Variants in TEAD1 observed in about 807,000 individuals in gnomAD.
The protein encoded by TEAD1 is transcriptional enhancer factor TEF-1.
Under a neutral mutation model 54.9 loss-of-function variants are expected in TEAD1, and 9 were observed. The observed-to-expected ratio is 0.16, with a 90% CI of 0.10 to 0.29. The LOEUF (loss-of-function observed/expected upper bound fraction) is 0.29. Among genes scored for constraint, TEAD1 ranks in the 10% least tolerant of loss-of-function variants. The pLI is 1.00. For missense variants in TEAD1, 387 were observed against 535.9 expected (o/e 0.72, Z 2.74); for synonymous variants, 200 against 187.8 (o/e 1.07, Z -0.53).
In TEAD1 at chr11:12,943,224, ACTCAACCTAACTTATAG is replaced by A. The variant is rs1266164089; in HGVS notation, c.*6003_*6019del. On this transcript the variant is annotated 3_prime_UTR_variant, in exon 13 of 13. Transcript: ENST00000527636. ...AAACTATCAAATGAAAAGAAAATGT[ACTCAACCTAACTTATAG>A]TTAGCAGCTGGAATTCTCAACTCTT... 2 of 152,450 alleles carry A rather than the reference ACTCAACCTAACTTATAG, an allele frequency of 1.3e-5. No homozygotes were observed. Among genetic ancestry groups the A allele is most frequent in the Middle Eastern group, 3.2e-3 (1 of 316 alleles). 9.4% of individuals were successfully genotyped at this position (152,450 alleles called of 1,614,324 possible).
chr11:12,876,382 G>A (rs1947855123), intron 5 of TEAD1, among the ~76,000 whole-genome samples: 1 of 152,102 alleles, frequency 6.6e-6, no homozygotes, highest in Non-Finnish European at 1.5e-5. Flanking sequence ...ATTTGGACCT[G>A]GACTTAGAAT....
At chr11:12,758,439 A>G (rs1476980590) in intron 2 of TEAD1, among the ~76,000 whole-genome samples, 1 of 107,754 alleles carries the variant, frequency 9.3e-6, no homozygotes, top group Non-Finnish European at 1.8e-5. Context: ...GAGGTGGAGT[A>G]TCACTCTGTC....
intron 2 of TEAD1, among the ~76,000 whole-genome samples, chr11:12,697,852 G>A (rs183677300): frequency 0.01 from 1,564 of 152,130 alleles, 30 homozygotes; most frequent in African/African-American, 0.037. Flanking sequence ...ATGAAACTCC[G>A]TCTCTACTAA....
At chr11:12,723,287 A>C (rs917162452) in intron 2 of TEAD1, among the ~76,000 whole-genome samples, 1 of 152,188 alleles carries the variant, frequency 6.6e-6, no homozygotes, top group African/African-American at 2.4e-5. Context: ...GATTATGACA[A>C]GGTTGAGTAT....
At chr11:12,869,694 A>G (rs1947698870) in intron 5 of TEAD1, among the ~76,000 whole-genome samples, 1 of 152,098 alleles carries the variant, frequency 6.6e-6, no homozygotes, top group South Asian at 2.1e-4. Flanking sequence ...TTAATGAAAA[A>G]TCAAGTGGCA....
chr11:12,756,749 T>G (rs568545911), intron 2 of TEAD1, among the ~76,000 whole-genome samples: 1 of 152,336 alleles, frequency 6.6e-6, no homozygotes, highest in African/African-American at 2.4e-5. Context: ...ATTGAATCTC[T>G]GTTAAGTATA....
intron 2 of TEAD1, among the ~76,000 whole-genome samples, chr11:12,708,712 A>G (rs1278428968): frequency 1.3e-5 from 2 of 152,220 alleles, no homozygotes; most frequent in Non-Finnish European, 2.9e-5. Context: ...TTTATTAAAA[A>G]AGGAAAAGTT....
At chr11:12,799,314 G>A (rs943524552) in intron 3 of TEAD1, among the ~76,000 whole-genome samples, 4 of 152,196 alleles carry the variant, frequency 2.6e-5, no homozygotes, top group East Asian at 1.9e-4. Flanking sequence ...CACTGAAGGC[G>A]CTTGTTAATA....
At chr11:12,776,801 C>CATT (rs1321995260) in intron 3 of TEAD1, among the ~76,000 whole-genome samples, 75 of 78,082 alleles carry the variant, frequency 9.6e-4, no homozygotes, top group Non-Finnish European at 1.4e-3. Context: ...TTATTATTAT[C>CATT]ATTATTATTA....
chr11:12,845,180 T>C (rs2134040953), intron 3 of TEAD1, among the ~76,000 whole-genome samples: 1 of 151,986 alleles, frequency 6.6e-6, no homozygotes, highest in Non-Finnish European at 1.5e-5. Flanking sequence ...GGCCAGGCTG[T>C]TGTTGAACTC....
intron 9 of TEAD1, among the ~76,000 whole-genome samples, chr11:12,892,649 A>G (rs921113434): frequency 6.6e-6 from 1 of 152,214 alleles, no homozygotes; most frequent in African/African-American, 2.4e-5. Context: ...TCTCAAAAAA[A>G]TAAATAAACA....
At chr11:12,832,015 C>A (rs1039112213) in intron 3 of TEAD1, among the ~76,000 whole-genome samples, 5 of 152,030 alleles carry the variant, frequency 3.3e-5, no homozygotes, top group Non-Finnish European at 7.4e-5. Flanking sequence ...TGGAACTGAT[C>A]CTAGTGCCAT....
At chr11:12,863,334 C>T (rs1326217948) in intron 4 of TEAD1, among the ~76,000 whole-genome samples, 1 of 152,158 alleles carries the variant, frequency 6.6e-6, no homozygotes, top group Non-Finnish European at 1.5e-5. Flanking sequence ...CACGCAGAGG[C>T]AGCGCATTGT....
chr11:12,721,553 G>C (rs2133866292), intron 2 of TEAD1, among the ~76,000 whole-genome samples: 1 of 152,312 alleles, frequency 6.6e-6, no homozygotes, highest in South Asian at 2.1e-4. Flanking sequence ...GTTGGATGTA[G>C]ATACTCTCTG....
At chr11:12,874,678 T>C (rs967791288) in intron 5 of TEAD1, among the ~76,000 whole-genome samples, 19 of 152,158 alleles carry the variant, frequency 1.2e-4, no homozygotes, top group African/African-American at 2.4e-5. Flanking sequence ...GGGTAGATGA[T>C]GAGACAGGCA....
At chr11:12,847,526 A>G (rs901796178) in intron 3 of TEAD1, among the ~76,000 whole-genome samples, 4 of 152,094 alleles carry the variant, frequency 2.6e-5, no homozygotes, top group Non-Finnish European at 4.4e-5. Flanking sequence ...TTTCACACAA[A>G]GGAAATAGCA....
rs561205247 is a variant in TEAD1, at chr11:12,824,906, C to T, written c.203-37344C>T. Among the ~76,000 whole-genome samples the T allele has an allele frequency of 5.3e-5, 8 of 152,284 alleles. No individual in the cohort carries two copies. The South Asian group carries it at 1.0e-3, about 20-fold the overall frequency. ...CCCTTCTGTTTCCTTCTCTCTACTTCGAGCATTCATTACATGAGATGGTGC... is the reference window on the plus strand; with the variant it reads ...CCCTTCTGTTTCCTTCTCTCTACTTTGAGCATTCATTACATGAGATGGTGC... On this transcript the variant is annotated intron_variant, in intron 3 of 12. Transcript: ENST00000527636.
intron 3 of TEAD1, among the ~76,000 whole-genome samples, chr11:12,848,022 G>T (rs1301987797): frequency 2.0e-5 from 3 of 152,322 alleles, no homozygotes; most frequent in East Asian, 3.9e-4. Flanking sequence ...ATGTGGCTAG[G>T]GCAGTGGGGT....
intron 3 of TEAD1, among the ~76,000 whole-genome samples, chr11:12,818,204 G>A (rs922084701): frequency 6.6e-5 from 10 of 152,112 alleles, no homozygotes; most frequent in African/African-American, 2.2e-4. Flanking sequence ...TCTATATGAC[G>A]TTATACAGCT....
Sources: allele counts gnomAD v4.1 joint callset (sites outside exome capture counted in the v4.1 genomes callset), GRCh38; gene constraint gnomAD v4.1.1; transcripts MANE v1.5; gene names NCBI Gene and HGNC (gene_info 2026-07-23, HGNC 2026-07-21).